SORD: variants seen among roughly 807,000 people sequenced by gnomAD.
The protein encoded by SORD is sorbitol dehydrogenase, also known as (R,R)-butanediol dehydrogenase.
In SORD, 18 loss-of-function variants were observed where a neutral mutation model predicts 35.6. That is an observed-to-expected ratio of 0.51 (90% CI 0.35 to 0.75). SORD has a LOEUF of 0.75. Ranked by LOEUF, SORD falls within the 30% of genes least tolerant of loss-of-function variation. The probability of loss-of-function intolerance (pLI) is 0.01; values close to 1 mark genes in which losing one functional copy is unlikely to be tolerated. For missense variants in SORD, 250 were observed against 390.2 expected (o/e 0.64, Z 3.03); for synonymous variants, 106 against 152.9 (o/e 0.69, Z 2.26).
chr15:45,050,533 T>A (rs1893109158), intron 3 of SORD: 1 of 152,228 alleles, frequency 6.6e-6, no homozygotes, highest in Admixed American at 6.5e-5. Flanking sequence ...GTACAGGGAC[T>A]GTGTAGACAA....
intron 1 of SORD, among the ~76,000 whole-genome samples, chr15:45,024,900 C>A (rs917581144): frequency 6.8e-6 from 1 of 146,642 alleles, no homozygotes; most frequent in African/African-American, 2.6e-5. Flanking sequence ...CAGGGAGGGG[C>A]CCTTGGCCCT....
intron 7 of SORD, among the ~76,000 whole-genome samples, chr15:45,071,257 C>T (rs1421524457): frequency 1.3e-5 from 2 of 152,194 alleles, no homozygotes; most frequent in East Asian, 3.9e-4. Flanking sequence ...TGTTCCTCCT[C>T]ACCACCAGGT....
At chr15:45,025,410 G>A (rs1892653305) in intron 1 of SORD, among the ~76,000 whole-genome samples, 1 of 152,074 alleles carries the variant, frequency 6.6e-6, no homozygotes, top group African/African-American at 2.4e-5. Context: ...GGCCAAGGTA[G>A]GCAGATCGCT....
chr15:45,055,247 A>G (rs1893196727), intron 3 of SORD, among the ~76,000 whole-genome samples: 1 of 152,164 alleles, frequency 6.6e-6, no homozygotes, highest in Non-Finnish European at 1.5e-5. Flanking sequence ...AGTGCTAGCA[A>G]GACTAATAAG....
At chr15:45,044,132 T>A (rs202129790) in intron 3 of SORD, among the ~76,000 whole-genome samples, 2,395 of 152,328 alleles carry the variant, frequency 0.016, 4 homozygotes, top group Middle Eastern at 0.031. Context: ...CAGTCAGGCA[T>A]GTGTCTTGTT....
chr15:45,072,964 G>T (rs1893536149), intron 8 of SORD, among the ~76,000 whole-genome samples: 1 of 135,622 alleles, frequency 7.4e-6, no homozygotes, highest in African/African-American at 3.6e-5. Context: ...GGCTTTAGAG[G>T]CTGTAACTCC....
In SORD at chr15:45,074,332, A is replaced by C. The variant is rs1893560774; in HGVS notation, c.*802A>C. 1 of 148,380 alleles carries C rather than the reference A, an allele frequency of 6.7e-6. No individual in the cohort carries two copies. 9.2% of individuals were successfully genotyped at this position (148,380 alleles called of 1,614,324 possible). A position where few individuals can be genotyped will look rare whatever the true frequency, so the allele number is the denominator to read the frequency against. ...GGTCCCTTGTCACCAGGCAACCAGG[A>C]AACTGCTACTTGTGGACCTCACCAG... On this transcript the variant is annotated 3_prime_UTR_variant, in exon 9 of 9. Coordinates refer to ENST00000267814, the MANE Select transcript of SORD (RefSeq NM_003104.6).
intron 1 of SORD, among the ~76,000 whole-genome samples, chr15:45,031,526 CTCGGCCATGGTCACTT>C (rs1892786476): frequency 6.6e-6 from 1 of 152,268 alleles, no homozygotes; most frequent in East Asian, 1.9e-4. Flanking sequence ...TCTACAGGCT[CTCGGCCATGGTCACTT>C]TCTTTGCTGT....
chr15:45,031,480 T>G (rs1340799003), intron 1 of SORD, among the ~76,000 whole-genome samples: 1 of 152,256 alleles, frequency 6.6e-6, no homozygotes, highest in Non-Finnish European at 1.5e-5. Flanking sequence ...CAGCCTCTGT[T>G]CGTGAGGAGG....
chr15:45,045,693 T>C (rs1287854918), intron 3 of SORD, among the ~76,000 whole-genome samples: 1 of 152,002 alleles, frequency 6.6e-6, no homozygotes, highest in Admixed American at 6.6e-5. Context: ...TGCATAATCT[T>C]TATAAAAGTC....
chr15:45,040,524 C>G (rs1421600835), intron 2 of SORD, 83 bp downstream of exon 2: 3 of 1,045,126 alleles, frequency 2.9e-6, no homozygotes, highest in Non-Finnish European at 4.4e-6. Flanking sequence ...TCCCTTACCT[C>G]TCTTTTCCAA....
chr15:45,066,063 A>G (rs1262360190), intron 5 of SORD, among the ~76,000 whole-genome samples: 1 of 151,872 alleles, frequency 6.6e-6, no homozygotes, highest in Admixed American at 6.6e-5. Context: ...GGCCAACATG[A>G]TGAAACCTCA....
chr15:45,044,082 T>C (rs560321342), intron 3 of SORD, among the ~76,000 whole-genome samples: 1 of 152,394 alleles, frequency 6.6e-6, no homozygotes, highest in East Asian at 1.9e-4. Flanking sequence ...TAAAGGTCTC[T>C]GAGCCCAACC....
At chr15:45,066,536 T>C (rs980661453) in intron 5 of SORD, among the ~76,000 whole-genome samples, 6 of 152,132 alleles carry the variant, frequency 3.9e-5, no homozygotes, top group African/African-American at 9.7e-5. Context: ...TGAGCAGTGG[T>C]CTGCTCCCAC....
intron 1 of SORD, among the ~76,000 whole-genome samples, chr15:45,024,160 G>A (rs2141259720): frequency 6.6e-6 from 1 of 152,286 alleles, no homozygotes; most frequent in South Asian, 2.1e-4. Flanking sequence ...GTCATGCCAA[G>A]CCTCCCTTGA....
chr15:45,064,335 A>C (rs943931408), intron 4 of SORD, among the ~76,000 whole-genome samples: 2 of 152,176 alleles, frequency 1.3e-5, no homozygotes, highest in African/African-American at 4.8e-5. Flanking sequence ...AGTGAGTTTC[A>C]GTTTCCTCTT....
chr15:45,051,540 A>G (rs1018651709), intron 3 of SORD, among the ~76,000 whole-genome samples: 3 of 152,364 alleles, frequency 2.0e-5, no homozygotes, highest in African/African-American at 7.2e-5. Flanking sequence ...ACGGATTACT[A>G]TAAACTATTT....
chr15:45,029,134 A>G (rs1892727424), intron 1 of SORD, among the ~76,000 whole-genome samples: 1 of 152,280 alleles, frequency 6.6e-6, no homozygotes, highest in Non-Finnish European at 1.5e-5. Flanking sequence ...GGTAGCAGTA[A>G]GTAGCCCAAA....
At chr15:45,052,664 A>G (rs1228832576) in intron 3 of SORD, among the ~76,000 whole-genome samples, 1 of 152,184 alleles carries the variant, frequency 6.6e-6, no homozygotes, top group Non-Finnish European at 1.5e-5. Flanking sequence ...GTAACTGTTC[A>G]AATTCATTGG....
Sources: gnomAD v4.1 joint callset for allele counts (sites outside exome capture counted in the v4.1 genomes callset) on GRCh38, gnomAD v4.1.1 for gene constraint, MANE v1.5 for transcripts, NCBI Gene and HGNC (gene_info 2026-07-23, HGNC 2026-07-21) for gene names.